Variants in LIMS2 observed in about 807,000 individuals in gnomAD.
LIMS2 encodes the protein LIM zinc finger domain containing 2.
Under a neutral mutation model 45.3 loss-of-function variants are expected in LIMS2, and 30 were observed. That is an observed-to-expected ratio of 0.66 (90% CI 0.50 to 0.90). The LOEUF (loss-of-function observed/expected upper bound fraction) is 0.90, where lower values mean the gene tolerates loss of function less well. LIMS2 is among the 40% of genes least tolerant of loss of function. The probability of loss-of-function intolerance (pLI) is 0.00; values close to 1 mark genes in which losing one functional copy is unlikely to be tolerated. For synonymous variants in LIMS2, 173 were observed against 188.0 expected, an observed-to-expected ratio of 0.92 and a Z score of 0.65; for missense variants, 485 against 468.7, an observed-to-expected ratio of 1.03 and a Z score of -0.32.
chr2:127,668,668 CAAAAAAAAAAAAAAAAAAAAAAAAAAA>C (rs70985469), intron 1 of LIMS2, among the ~76,000 whole-genome samples: 278 of 17,266 alleles, frequency 0.016, 6 homozygotes, highest in Admixed American at 0.029. Context: ...GACTCCGTCT[CAAAAAAAAAAAAAAAAAAAAAAAAAAA>C]AAAAAAAAAA....
intron 1 of LIMS2, among the ~76,000 whole-genome samples, chr2:127,661,953 C>T (rs1030849956): frequency 1.3e-5 from 2 of 152,204 alleles, no homozygotes; most frequent in Admixed American, 1.3e-4. Flanking sequence ...CCAGACCTTC[C>T]TCCATCCCAG....
intron 4 of LIMS2, chr2:127,651,638 T>G: frequency 1.2e-6 from 2 of 1,613,502 alleles, no homozygotes; most frequent in Admixed American, 1.7e-5. Context: ...TCTTCGTGGC[T>G]GAGAAGTTCC....
rs1684850173 is a variant in LIMS2, at chr2:127,664,086, C to T, written c.12-6524G>A. On this transcript the variant is annotated intron_variant, in intron 1 of 9. Coordinates refer to ENST00000355119, the MANE Select transcript of LIMS2 (RefSeq NM_001161403.3). This position sits in a 1 kb window ranked among gnomAD's most constrained non-coding sequence, Gnocchi z 5.5. ...GCTCCCTCGTCTCTAACATAGGTCC[C>T]TGGGCGCACCCTGCCAGGAGAGCTG... 6.6e-6 allele frequency among the ~76,000 whole-genome samples: 1 copy of T among 152,180 alleles called. No individual in the cohort carries two copies. The highest frequency in any genetic ancestry group is 2.4e-5 in the African/African-American group (1 of 41,456).
chr2:127,639,772 T>C (rs937375625), intron 9 of LIMS2, among the ~76,000 whole-genome samples: 1 of 152,196 alleles, frequency 6.6e-6, no homozygotes, highest in African/African-American at 2.4e-5. Flanking sequence ...TGCTTTTGCA[T>C]ATGCTGTTCC....
rs1685043533 is a variant in LIMS2, at chr2:127,667,140, CA to C, written c.11+7873del. Among the ~76,000 whole-genome samples, 1 of 152,104 alleles carries C rather than the reference CA, an allele frequency of 6.6e-6. No individual in the cohort carries two copies. The highest frequency in any genetic ancestry group is 1.5e-5 in the Non-Finnish European group (1 of 68,008). ...AACACCAAACCTACAAACAAACATA[CA>C]AAACACCAGTGTGGTGGCACATGCC... On this transcript the variant is annotated intron_variant, in intron 1 of 9. Transcript: ENST00000355119. This position sits in a 1 kb window ranked among gnomAD's most constrained non-coding sequence, Gnocchi z 4.1.
In LIMS2 at chr2:127,642,162, CA is replaced by C. The variant is rs762481674; in HGVS notation, c.546del (p.Glu183SerfsTer81). 2 of 1,583,770 alleles carry C rather than the reference CA, an allele frequency of 1.3e-6. No individual in the cohort carries two copies. Among genetic ancestry groups the C allele is most frequent in the Admixed American group, 3.4e-5 (2 of 57,974 alleles). On this transcript the variant is annotated frameshift_variant, in exon 6 of 10. Transcript: ENST00000355119. LOFTEE classifies it high-confidence loss of function. The surrounding 1 kb of genome is among the most constrained non-coding windows in gnomAD (Gnocchi z 5.3). ...ELTAEARELKGELYCLPCHDK... is the reference protein window; with the variant it reads ...ELTAEARELKXELYCLPCHDK... ...TCATGGCAGGGCAGGCAGTAGAGCTCACCCTTCAGCTCGCGGGCCTCGGCTG... is the reference window on the plus strand; with the variant it reads ...TCATGGCAGGGCAGGCAGTAGAGCTCCCCTTCAGCTCGCGGGCCTCGGCTG...
At chr2:127,670,657 G>A (rs536929627) in intron 1 of LIMS2, among the ~76,000 whole-genome samples, 219 of 152,314 alleles carry the variant, frequency 1.4e-3, no homozygotes, top group African/African-American at 5.0e-3. Flanking sequence ...TAAAAAACAC[G>A]TGAGTAATGA....
Position 127,664,348 on chromosome 2 carries a change from T to C in LIMS2, c.12-6786A>G, listed in dbSNP as rs1310399496. The stretch of plus-strand genomic sequence containing the variant: ...GCTCTGCCGGTGCTGGCGCCGCCGG[T>C]ACAGCCCCGACGCGGCCAGCGCACC... On this transcript the variant is annotated intron_variant, in intron 1 of 9. Transcript: ENST00000355119. This position sits in a 1 kb window ranked among gnomAD's most constrained non-coding sequence, Gnocchi z 5.5. 2.4e-6 allele frequency: 3 copies of C among 1,225,068 alleles called. No homozygotes were observed. The highest frequency in any genetic ancestry group is 3.0e-6 in the Non-Finnish European group (3 of 984,140). 75.9% of individuals were successfully genotyped at this position (1,225,068 alleles called of 1,614,324 possible).
chr2:127,675,679 A>G (rs912360633), upstream of LIMS2, among the ~76,000 whole-genome samples: 14 of 152,018 alleles, frequency 9.2e-5, no homozygotes, highest in Admixed American at 8.5e-4. Flanking sequence ...CGCGTGCAGG[A>G]GATGGTAGGC....
At chr2:127,665,112 G>A (rs1684936894) in intron 1 of LIMS2, among the ~76,000 whole-genome samples, 1 of 152,146 alleles carries the variant, frequency 6.6e-6, no homozygotes, top group Non-Finnish European at 1.5e-5. Context: ...CAGAGAGACT[G>A]GCAAAGTTAC....
intron 4 of LIMS2, chr2:127,650,913 C>T: frequency 1.2e-6 from 2 of 1,614,062 alleles, no homozygotes; most frequent in Non-Finnish European, 1.7e-6. Flanking sequence ...CATCCGAGAC[C>T]ACAAGTCCGG....
At chr2:127,654,385 T>G in intron 4 of LIMS2, 39 bp downstream of exon 4, 1 of 1,613,218 alleles carries the variant, frequency 6.2e-7, no homozygotes, top group Non-Finnish European at 8.5e-7. Flanking sequence ...CAGGAAGGGC[T>G]GTGGCCCAGT....
intron 4 of LIMS2, 51 bp downstream of exon 4, chr2:127,654,373 G>A (rs1207279362): frequency 6.2e-7 from 1 of 1,611,824 alleles, no homozygotes; most frequent in Non-Finnish European, 8.5e-7. Context: ...TGGCAGGTGT[G>A]CCAGGAAGGG....
At position 127,642,895 on chromosome 2, in the gene LIMS2, C is replaced by T. The variant is rs375925007; in HGVS notation, c.509+28G>A. On this transcript the variant is annotated intron_variant, in intron 5 of 9. Coordinates refer to ENST00000355119, the MANE Select transcript of LIMS2 (RefSeq NM_001161403.3). This position sits in a 1 kb window ranked among gnomAD's most constrained non-coding sequence, Gnocchi z 5.3. Reference sequence around the variant, plus strand: ...GGCCAGCCCTGGCTCCCCGCCCCCACAACTGCAGGGCCGGGCTGCGCACCT... The same window carrying T: ...GGCCAGCCCTGGCTCCCCGCCCCCATAACTGCAGGGCCGGGCTGCGCACCT... 2 of 1,549,126 alleles carry T rather than the reference C, an allele frequency of 1.3e-6. No individual in the cohort carries two copies. Among genetic ancestry groups the T allele is most frequent in the East Asian group, 2.4e-5 (1 of 41,076 alleles).
intron 1 of LIMS2, among the ~76,000 whole-genome samples, chr2:127,663,626 G>GC (rs142910947): frequency 0.092 from 12,470 of 136,268 alleles, 654 homozygotes; most frequent in South Asian, 0.28. Context: ...CTCCCTCCCT[G>GC]CCCCCCCGCC....
intron 6 of LIMS2, chr2:127,641,300 C>T (rs1011606998): frequency 3.3e-5 from 9 of 274,236 alleles, no homozygotes; most frequent in African/African-American, 1.1e-4. Context: ...GCCTCCCCCT[C>T]GGCAGCCTCA....
rs1684899025 is a variant in LIMS2, at chr2:127,664,557, C to G, written c.12-6995G>C. 3.5e-6 allele frequency: 4 copies of G among 1,149,618 alleles called. No individual in the cohort carries two copies. The highest frequency in any genetic ancestry group is 4.3e-6 in the Non-Finnish European group (4 of 935,768). The allele number at this position is 1,149,618 out of a possible 1,614,324, so 71.2% of individuals were successfully genotyped here. A position where few individuals can be genotyped will look rare whatever the true frequency, so the allele number is the denominator to read the frequency against. Reference sequence around the variant, plus strand: ...GAGCTCACGTTACGCGCTGGGATCTCCAAAGGGCAGCAGAGTCAACTCCAA... The same window carrying G: ...GAGCTCACGTTACGCGCTGGGATCTGCAAAGGGCAGCAGAGTCAACTCCAA... On this transcript the variant is annotated intron_variant, in intron 1 of 9. Transcript: ENST00000355119. The surrounding 1 kb of genome is among the most constrained non-coding windows in gnomAD (Gnocchi z 5.5).
chr2:127,644,305 G>A (rs1384630040), intron 4 of LIMS2, among the ~76,000 whole-genome samples: 1 of 152,206 alleles, frequency 6.6e-6, no homozygotes, highest in African/African-American at 2.4e-5. Flanking sequence ...TACAAGAGAG[G>A]AAGGGAGCCT....
In LIMS2 at chr2:127,664,693, G is replaced by T; in HGVS notation, c.12-7131C>A. On this transcript the variant is annotated intron_variant, in intron 1 of 9. Coordinates refer to ENST00000355119, the MANE Select transcript of LIMS2 (RefSeq NM_001161403.3). This position sits in a 1 kb window ranked among gnomAD's most constrained non-coding sequence, Gnocchi z 5.5. Reference sequence around the variant, plus strand: ...CTGGGAAGGCCCCAGACAGCACTGAGGTGAGGTCCACAGTGGCGGCAGGAC... The same window carrying T: ...CTGGGAAGGCCCCAGACAGCACTGATGTGAGGTCCACAGTGGCGGCAGGAC... 2.3e-6 allele frequency: 2 copies of T among 875,292 alleles called. No individual in the cohort carries two copies. The highest frequency in any genetic ancestry group is 1.8e-5 in the African/African-American group (1 of 55,746). 54.2% of individuals were successfully genotyped at this position (875,292 alleles called of 1,614,324 possible).
Sources: allele counts gnomAD v4.1 joint callset (sites outside exome capture counted in the v4.1 genomes callset), GRCh38; gene constraint gnomAD v4.1.1; non-coding constraint Gnocchi (gnomAD v3.1); transcripts MANE v1.5; gene names NCBI Gene and HGNC (gene_info 2026-07-23, HGNC 2026-07-21).